The following LRFN2 variants were observed in gnomAD, a reference collection of about 807,000 sequenced individuals.
LRFN2 encodes leucine rich repeat and fibronectin type III domain containing 2.
LRFN2 carries 18 observed loss-of-function variants against 37.3 expected under a neutral mutation model. The ratio of observed to expected loss-of-function variants is 0.48; its 90% CI spans 0.33 to 0.72. The LOEUF is 0.72. Ranked by LOEUF, LRFN2 falls within the 30% of genes least tolerant of loss-of-function variation. LRFN2 has a pLI of 0.02. For synonymous variants in LRFN2, 556 were observed against 466.6 expected (o/e 1.19, Z -2.47); for missense variants, 1,006 against 1,060.7 (o/e 0.95, Z 0.72).
At chr6:40,532,667 T>C (rs1443647818) in intron 1 of LRFN2, among the ~76,000 whole-genome samples, 1 of 152,232 alleles carries the variant, frequency 6.6e-6, no homozygotes, top group Non-Finnish European at 1.5e-5. Context: ...CAGTTCCGGA[T>C]TTCCCAGTCA....
chr6:40,567,746 G>A (rs115504146), intron 1 of LRFN2, among the ~76,000 whole-genome samples: 4,056 of 152,282 alleles, frequency 0.027, 88 homozygotes, highest in Admixed American at 0.039. Context: ...TAGGCACTCC[G>A]TTACCCATTG....
At chr6:40,501,780 G>A (rs1433475712) in intron 1 of LRFN2, 5 of 152,154 alleles carry the variant, frequency 3.3e-5, no homozygotes, top group African/African-American at 7.2e-5. Flanking sequence ...AAAAGATGAA[G>A]CCAGACACTC....
intron 1 of LRFN2, among the ~76,000 whole-genome samples, chr6:40,543,627 G>A (rs138214930): frequency 2.6e-5 from 4 of 152,350 alleles, no homozygotes; most frequent in Admixed American, 6.5e-5. Flanking sequence ...TAGCTAGAAT[G>A]TGGCTGTTTT....
At chr6:40,506,553 G>A (rs920021898) in intron 1 of LRFN2, among the ~76,000 whole-genome samples, 1 of 152,088 alleles carries the variant, frequency 6.6e-6, no homozygotes, top group Non-Finnish European at 1.5e-5. Flanking sequence ...TGGTATTTAG[G>A]ATCATGAGGA....
At chr6:40,524,141 T>C (rs1313756186) in intron 1 of LRFN2, among the ~76,000 whole-genome samples, 1 of 152,224 alleles carries the variant, frequency 6.6e-6, no homozygotes, top group Non-Finnish European at 1.5e-5. Context: ...CCTGTTTTCT[T>C]AGCACACAGA....
chr6:40,503,066 G>A (rs1185170119), intron 1 of LRFN2, among the ~76,000 whole-genome samples: 1 of 152,192 alleles, frequency 6.6e-6, no homozygotes, highest in Non-Finnish European at 1.5e-5. Flanking sequence ...GGAACCTAGA[G>A]AGCAAGGACA....
At chr6:40,443,604 C>T (rs991104740) in intron 1 of LRFN2, among the ~76,000 whole-genome samples, 3 of 152,202 alleles carry the variant, frequency 2.0e-5, no homozygotes, top group Non-Finnish European at 1.5e-5. Context: ...AGCAGAGTCT[C>T]CCTGCCTGCA....
rs139904047 is a variant in LRFN2, at chr6:40,392,124, G to A, written c.2189C>T (p.Ala730Val). Residue 730 changes from alanine (A) to valine (V), a missense_variant, in exon 3 of 3, where the codon GCT (alanine) becomes GTT (valine). By Grantham distance (64) the Ala-to-Val change is moderately conservative. Transcript: ENST00000338305. This position sits in a 1 kb window ranked among gnomAD's most constrained non-coding sequence, Gnocchi z 4.7. ...CACGACCCCTCCCGCCGCCGCAGCA[G>A]CAAAGTCCCCCATGTCGAAGGAGTG... ...RSHSFDMGDF[A>V]AAAAGGVVPG... The A allele has an allele frequency of 2.5e-6, 4 of 1,612,764 alleles. No homozygotes were observed. Among genetic ancestry groups the A allele is most frequent in the Non-Finnish European group, 3.4e-6 (4 of 1,179,462 alleles).
intron 1 of LRFN2, among the ~76,000 whole-genome samples, chr6:40,487,170 C>T (rs768228791): frequency 2.0e-5 from 3 of 152,228 alleles, no homozygotes; most frequent in Non-Finnish European, 4.4e-5. Context: ...GGTCCCCTTC[C>T]TCTCAGGCCT....
intron 1 of LRFN2, among the ~76,000 whole-genome samples, chr6:40,493,188 G>A (rs1166926110): frequency 6.6e-6 from 1 of 152,034 alleles, no homozygotes. Context: ...TGGGTATCAG[G>A]GATGGGAAGT....
chr6:40,440,971 T>C (rs1250905554), intron 1 of LRFN2, among the ~76,000 whole-genome samples: 1 of 152,196 alleles, frequency 6.6e-6, no homozygotes, highest in Non-Finnish European at 1.5e-5. Flanking sequence ...TAATTATAAC[T>C]GTCATTATAT....
intron 2 of LRFN2, among the ~76,000 whole-genome samples, chr6:40,405,461 T>A (rs964455824): frequency 1.3e-4 from 19 of 151,794 alleles, no homozygotes; most frequent in African/African-American, 4.4e-4. Flanking sequence ...ATTCAAGGAG[T>A]CATGATTCAT....
chr6:40,576,499 G>A (rs1767280390), intron 1 of LRFN2, among the ~76,000 whole-genome samples: 1 of 152,208 alleles, frequency 6.6e-6, no homozygotes, highest in South Asian at 2.1e-4. Flanking sequence ...CCCAGCATGA[G>A]ATAACTCATG....
At chr6:40,508,564 G>C (rs1032786711) in intron 1 of LRFN2, among the ~76,000 whole-genome samples, 3 of 152,270 alleles carry the variant, frequency 2.0e-5, no homozygotes, top group Admixed American at 2.0e-4. Context: ...TCAAATTCTT[G>C]TTCTACTGCA....
intron 1 of LRFN2, among the ~76,000 whole-genome samples, chr6:40,576,906 C>A (rs1251551272): frequency 6.6e-6 from 1 of 151,726 alleles, no homozygotes; most frequent in Non-Finnish European, 1.5e-5. Flanking sequence ...CCACACCAAC[C>A]CTCCATCATC....
At chr6:40,512,566 A>C (rs1581765072) in intron 1 of LRFN2, among the ~76,000 whole-genome samples, 1 of 152,160 alleles carries the variant, frequency 6.6e-6, no homozygotes. Flanking sequence ...TTTTGCAGAC[A>C]CCTGGCAGGA....
chr6:40,393,510 G>A (rs2113790474), intron 2 of LRFN2, among the ~76,000 whole-genome samples: 1 of 152,140 alleles, frequency 6.6e-6, no homozygotes, highest in Non-Finnish European at 1.5e-5. Flanking sequence ...CTCAAGCAGA[G>A]TTGAGAGGAC....
intron 1 of LRFN2, among the ~76,000 whole-genome samples, chr6:40,533,641 C>T (rs1766393460): frequency 6.6e-6 from 1 of 152,182 alleles, no homozygotes; most frequent in Non-Finnish European, 1.5e-5. Context: ...CAGAACATCC[C>T]TGCTTTGGAC....
chr6:40,423,440 C>T (rs1398578759), intron 2 of LRFN2, among the ~76,000 whole-genome samples: 3 of 152,182 alleles, frequency 2.0e-5, no homozygotes, highest in African/African-American at 7.2e-5. Context: ...GAAGAACGCT[C>T]TTTCAAATAC....
Sources: allele counts gnomAD v4.1 joint callset (sites outside exome capture counted in the v4.1 genomes callset), GRCh38; gene constraint gnomAD v4.1.1; non-coding constraint Gnocchi (gnomAD v3.1); transcripts MANE v1.5; gene names NCBI Gene and HGNC (gene_info 2026-07-23, HGNC 2026-07-21).